The following KCNAB1 variants were observed in gnomAD, a reference collection of about 807,000 sequenced individuals.
KCNAB1 encodes voltage-gated potassium channel subunit beta-1.
KCNAB1 carries 35 observed loss-of-function variants against 64.6 expected under a neutral mutation model. The ratio of observed to expected loss-of-function variants is 0.54; its 90% CI spans 0.41 to 0.72. KCNAB1 has a LOEUF of 0.72. Among genes scored for constraint, KCNAB1 ranks in the 30% least tolerant of loss-of-function variants. The pLI, the probability that KCNAB1 is intolerant of heterozygous loss-of-function variation, is 0.00. For missense variants in KCNAB1, 401 were observed against 512.9 expected (o/e 0.78, Z 2.11); for synonymous variants, 177 against 183.8 (o/e 0.96, Z 0.30).
At chr3:156,292,136 C>T (rs1551066) in intron 1 of KCNAB1, 585,485 of 1,612,634 alleles carry the variant, frequency 0.36, 114,962 homozygotes, top group East Asian at 0.65. Context: ...TAGGTATGCA[C>T]GTAAGATTCC....
chr3:156,289,434 A>G (rs1035637067), intron 1 of KCNAB1, among the ~76,000 whole-genome samples: 2 of 152,052 alleles, frequency 1.3e-5, no homozygotes, highest in African/African-American at 4.8e-5. Context: ...TCCTTTCCCA[A>G]TTCACATTGA....
chr3:156,187,642 T>A (rs935384997), intron 1 of KCNAB1, among the ~76,000 whole-genome samples: 2 of 152,184 alleles, frequency 1.3e-5, no homozygotes, highest in African/African-American at 4.8e-5. Context: ...TCCTATTGAC[T>A]CCACTTCCTA....
intron 1 of KCNAB1, among the ~76,000 whole-genome samples, chr3:156,300,227 C>T (rs571400745): frequency 3.5e-4 from 54 of 152,182 alleles, no homozygotes; most frequent in Non-Finnish European, 7.2e-4. Flanking sequence ...TTCCCAATCA[C>T]AAAATTCCTC....
In KCNAB1 at chr3:156,264,463, C is replaced by T. The variant is rs185571257; in HGVS notation, c.275+143577C>T. Among the ~76,000 whole-genome samples, 375 of 151,752 alleles carry T rather than the reference C, an allele frequency of 2.5e-3. 2 individuals are homozygous for T. Among genetic ancestry groups the T allele is most frequent in the Admixed American group, 5.8e-3 (88 of 15,238 alleles). ...CTTCTTTCTTTTTTGTCACTCTGTT[C>T]CTCTTTGATTCTTTTGTGTTAAATA... On this transcript the variant is annotated intron_variant, in intron 1 of 13. Coordinates refer to ENST00000490337, the MANE Select transcript of KCNAB1 (RefSeq NM_172160.3).
At chr3:156,420,290 A>G (rs1715385136) in intron 1 of KCNAB1, among the ~76,000 whole-genome samples, 1 of 152,266 alleles carries the variant, frequency 6.6e-6, no homozygotes, top group Non-Finnish European at 1.5e-5. Flanking sequence ...TCAACCCCGG[A>G]AAGAAAAGGG....
intron 1 of KCNAB1, among the ~76,000 whole-genome samples, chr3:156,182,636 C>CCA (rs201297953): frequency 6.6e-6 from 1 of 151,662 alleles, no homozygotes; most frequent in Non-Finnish European, 1.5e-5. Context: ...TTTTCCCCCC[C>CCA]CCGGGTCTTA....
chr3:156,385,189 C>T (rs571071981), intron 1 of KCNAB1, among the ~76,000 whole-genome samples: 4 of 152,204 alleles, frequency 2.6e-5, no homozygotes, highest in African/African-American at 4.8e-5. Context: ...GGGAGACATC[C>T]GTGTTTGAGA....
intron 1 of KCNAB1, among the ~76,000 whole-genome samples, chr3:156,296,930 A>T (rs1720822868): frequency 6.6e-6 from 1 of 152,226 alleles, no homozygotes. Flanking sequence ...ATAGCATGAT[A>T]GCAAAACCAG....
intron 8 of KCNAB1, among the ~76,000 whole-genome samples, chr3:156,485,013 C>T (rs1317940528): frequency 1.3e-5 from 2 of 151,938 alleles, no homozygotes; most frequent in Non-Finnish European, 2.9e-5. Context: ...GTTGTGAAGA[C>T]AAAATGAGAT....
At chr3:156,416,858 C>G (rs1715114880) in intron 1 of KCNAB1, among the ~76,000 whole-genome samples, 1 of 152,122 alleles carries the variant, frequency 6.6e-6, no homozygotes, top group African/African-American at 2.4e-5. Context: ...GAATAAGAAC[C>G]TAGTCAGAAT....
chr3:156,489,239 TAGAA>T (rs1198808373), intron 8 of KCNAB1, among the ~76,000 whole-genome samples: 1 of 151,752 alleles, frequency 6.6e-6, no homozygotes, highest in Non-Finnish European at 1.5e-5. Context: ...AAAGAAGATA[TAGAA>T]AGAAAGGACT....
intron 1 of KCNAB1, among the ~76,000 whole-genome samples, chr3:156,258,599 C>T (rs754087728): frequency 4.6e-5 from 7 of 152,216 alleles, no homozygotes; most frequent in Non-Finnish European, 1.0e-4. Flanking sequence ...AATGTCCTCC[C>T]TCCTCCACAT....
At chr3:156,528,217 A>G (rs1718464152) in intron 12 of KCNAB1, among the ~76,000 whole-genome samples, 1 of 151,482 alleles carries the variant, frequency 6.6e-6, no homozygotes, top group Non-Finnish European at 1.5e-5. Context: ...TGGTACTTTT[A>G]TACAGCACTA....
chr3:156,119,817 T>G (rs72558061), upstream of KCNAB1, among the ~76,000 whole-genome samples: 1,528 of 152,284 alleles, frequency 0.01, 11 homozygotes, highest in Non-Finnish European at 0.017. Context: ...AAACTAGTTT[T>G]CATGTACACT....
chr3:156,199,430 C>A (rs1460679707), intron 1 of KCNAB1, among the ~76,000 whole-genome samples: 1 of 152,198 alleles, frequency 6.6e-6, no homozygotes. Context: ...TGGTTCCATT[C>A]TCCTTATCAC....
intron 1 of KCNAB1, among the ~76,000 whole-genome samples, chr3:156,340,724 G>T (rs544362642): frequency 2.0e-5 from 3 of 152,274 alleles, no homozygotes; most frequent in African/African-American, 7.2e-5. Flanking sequence ...TCTTCAGTGG[G>T]CCTGTGATCA....
Position 156,308,482 on chromosome 3 carries a change from C to T in KCNAB1, c.276-113134C>T, listed in dbSNP as rs943340833. ...AATAAAAAACAGTGTGTAGTCAGTTCATGAGGACGATGGTGGCTTGAATTG... is the reference window on the plus strand; with the variant it reads ...AATAAAAAACAGTGTGTAGTCAGTTTATGAGGACGATGGTGGCTTGAATTG... On this transcript the variant is annotated intron_variant, in intron 1 of 13. Transcript: ENST00000490337. Among the ~76,000 whole-genome samples the T allele has an allele frequency of 3.9e-5, 6 of 152,138 alleles. No homozygotes were observed. The East Asian group carries it at 1.2e-3, about 29-fold the overall frequency.
At chr3:156,266,726 A>G (rs1017507061) in intron 1 of KCNAB1, among the ~76,000 whole-genome samples, 3 of 152,198 alleles carry the variant, frequency 2.0e-5, no homozygotes. Flanking sequence ...TCCATATCAG[A>G]TCTATAGAGA....
intron 11 of KCNAB1, among the ~76,000 whole-genome samples, chr3:156,519,183 T>C (rs1170704813): frequency 1.3e-5 from 2 of 152,208 alleles, no homozygotes; most frequent in South Asian, 2.1e-4. Context: ...CAACCCACCA[T>C]TGTGACTACT....
Sources: gnomAD v4.1 joint callset for allele counts (sites outside exome capture counted in the v4.1 genomes callset) on GRCh38, gnomAD v4.1.1 for gene constraint, MANE v1.5 for transcripts, NCBI Gene and HGNC (gene_info 2026-07-23, HGNC 2026-07-21) for gene names.